AP4S1: variants seen among roughly 807,000 people sequenced by gnomAD.
The protein encoded by AP4S1 is adaptor related protein complex 4 subunit sigma 1, also known as AP-4 complex subunit sigma-1.
Under a neutral mutation model 19.8 loss-of-function variants are expected in AP4S1, and 23 were observed. The observed-to-expected ratio is 1.16, with a 90% CI of 0.84 to 1.65. AP4S1 has a LOEUF of 1.65. Among genes scored for constraint, AP4S1 ranks in the 40% most tolerant of loss-of-function variants. The pLI is 0.00. For synonymous variants in AP4S1, 46 were observed against 54.1 expected (o/e 0.85, Z 0.66); for missense variants, 166 against 172.8 (o/e 0.96, Z 0.22).
chr14:31,080,602 T>C lies in AP4S1; in HGVS notation c.306+18T>C. ...AATTAGATGTATCCTTTTTCAATACTGTTTTCCACAGTACTTGGCAAATGC... is the reference window on the plus strand; with the variant it reads ...AATTAGATGTATCCTTTTTCAATACCGTTTTCCACAGTACTTGGCAAATGC... On this transcript the variant is annotated intron_variant, in intron 5 of 5. Coordinates refer to ENST00000542754, the MANE Select transcript of AP4S1 (RefSeq NM_001128126.3). 10 of 1,613,900 alleles carry C rather than the reference T, an allele frequency of 6.2e-6. No homozygotes were observed. The highest frequency in any genetic ancestry group is 8.5e-6 in the Non-Finnish European group (10 of 1,179,782).
chr14:31,029,798 C>T (rs1230344231), intron 1 of AP4S1, among the ~76,000 whole-genome samples: 1 of 151,412 alleles, frequency 6.6e-6, no homozygotes, highest in Non-Finnish European at 1.5e-5. Flanking sequence ...GCACTCCAGT[C>T]TGGGCAACAG....
intron 5 of AP4S1, among the ~76,000 whole-genome samples, chr14:31,082,851 G>A (rs1044329406): frequency 6.6e-6 from 1 of 151,314 alleles, no homozygotes; most frequent in South Asian, 2.1e-4. Context: ...AGCCGAGATT[G>A]CGCCACTGCA....
chr14:31,067,516 A>ATT (rs1243393448), intron 2 of AP4S1, among the ~76,000 whole-genome samples: 19 of 127,212 alleles, frequency 1.5e-4, no homozygotes, highest in Non-Finnish European at 2.1e-4. Context: ...AGTGAGAACA[A>ATT]TTTTTTTTTT....
intron 2 of AP4S1, among the ~76,000 whole-genome samples, chr14:31,067,219 AAAAG>A (rs1386824777): frequency 6.6e-6 from 1 of 152,124 alleles, no homozygotes; most frequent in African/African-American, 2.4e-5. Context: ...AAAAAAAAAA[AAAAG>A]GAGGTTAAAT....
chr14:31,038,002 T>C (rs1884879529), intron 1 of AP4S1, among the ~76,000 whole-genome samples: 1 of 152,226 alleles, frequency 6.6e-6, no homozygotes. Context: ...AACATGTTGC[T>C]ACACTTTATT....
chr14:31,085,388 G>A (rs1887876250), intron 5 of AP4S1: 1 of 989,700 alleles, frequency 1.0e-6, no homozygotes, highest in Non-Finnish European at 1.2e-6. Context: ...GCAGGCTGGA[G>A]TCTCTACTTT....
intron 4 of AP4S1, among the ~76,000 whole-genome samples, chr14:31,074,355 A>AG (rs1246297442): frequency 2.1e-5 from 3 of 143,718 alleles, no homozygotes; most frequent in Non-Finnish European, 4.6e-5. Context: ...AAATAAATAA[A>AG]TAAATAAATA....
intron 1 of AP4S1, among the ~76,000 whole-genome samples, chr14:31,053,589 C>CTTTTTTTTTTTTTTTTTTTT (rs758966011): frequency 5.6e-5 from 4 of 71,110 alleles, no homozygotes; most frequent in African/African-American, 1.2e-4. Flanking sequence ...TGACTTTTTT[C>CTTTTTTTTTTTTTTTTTTTT]TTTTTTTTTT....
intron 1 of AP4S1, among the ~76,000 whole-genome samples, chr14:31,037,850 A>C (rs926061800): frequency 6.6e-6 from 1 of 152,204 alleles, no homozygotes; most frequent in Non-Finnish European, 1.5e-5. Context: ...GCTACTCAGA[A>C]GACTGACATG....
intron 1 of AP4S1, among the ~76,000 whole-genome samples, chr14:31,029,022 C>A (rs762580708): frequency 6.6e-6 from 1 of 152,068 alleles, no homozygotes; most frequent in Non-Finnish European, 1.5e-5. Context: ...TTTTTGTCTC[C>A]TCACCTACCC....
chr14:31,025,696 A>G lies in AP4S1; in HGVS notation c.-163A>G. ...CCGAGGAGGCCCGCACCGCGTAGCC[A>G]GTGAAGGTTGGGGAGCAAGCTTATG... On this transcript the variant is annotated 5_prime_UTR_variant, in exon 1 of 6. Transcript: ENST00000542754. 1 of 728,012 alleles carries G rather than the reference A, an allele frequency of 1.4e-6. No individual in the cohort carries two copies. Among genetic ancestry groups the G allele is most frequent in the Non-Finnish European group, 2.1e-6 (1 of 465,272 alleles). 45.1% of individuals were successfully genotyped at this position (728,012 alleles called of 1,614,324 possible). A position where few individuals can be genotyped will look rare whatever the true frequency, so the allele number is the denominator to read the frequency against.
chr14:31,061,271 A>G (rs1415289109), intron 1 of AP4S1, among the ~76,000 whole-genome samples: 1 of 152,160 alleles, frequency 6.6e-6, no homozygotes, highest in Non-Finnish European at 1.5e-5. Context: ...TGCCCACCTC[A>G]GCCTCCCAAA....
intron 1 of AP4S1, among the ~76,000 whole-genome samples, chr14:31,033,971 T>G (rs1451505524): frequency 6.6e-6 from 1 of 152,194 alleles, no homozygotes; most frequent in Non-Finnish European, 1.5e-5. Flanking sequence ...AAGAAAGGAT[T>G]GCCTGGAGCC....
Position 31,096,036 on chromosome 14 carries a change from G to A in AP4S1, c.*3001G>A, listed in dbSNP as rs1168408647. 1 of 139,744 alleles carries A rather than the reference G, an allele frequency of 7.2e-6. No individual in the cohort carries two copies. Among genetic ancestry groups the A allele is most frequent in the African/African-American group, 2.7e-5 (1 of 37,126 alleles). The allele number at this position is 139,744 out of a possible 1,614,324, so 8.7% of individuals were successfully genotyped here. ...GGAGACAGAGGTTGCAGTGAGTTGA[G>A]ATCGAGATTGTGCCACTGCACTCCA... On this transcript the variant is annotated 3_prime_UTR_variant, in exon 6 of 6. Coordinates refer to ENST00000542754, the MANE Select transcript of AP4S1 (RefSeq NM_001128126.3).
At chr14:31,083,967 T>A (rs1887795922) in intron 5 of AP4S1, among the ~76,000 whole-genome samples, 1 of 152,164 alleles carries the variant, frequency 6.6e-6, no homozygotes, top group East Asian at 1.9e-4. Flanking sequence ...GCTCCATCTG[T>A]GGAGGGGCGT....
chr14:31,082,759 G>A (rs530500960), intron 5 of AP4S1, among the ~76,000 whole-genome samples: 11 of 152,300 alleles, frequency 7.2e-5, no homozygotes, highest in Admixed American at 1.3e-4. Flanking sequence ...AGCCGGGCGC[G>A]GTGGCGGGCG....
intron 5 of AP4S1, among the ~76,000 whole-genome samples, chr14:31,083,036 G>A (rs1887735067): frequency 6.6e-6 from 1 of 152,174 alleles, no homozygotes; most frequent in Non-Finnish European, 1.5e-5. Context: ...TATTGAGAGA[G>A]TTAACGTGAA....
rs112987601 is a variant in AP4S1, at chr14:31,066,278, C to T, written c.82C>T (p.Arg28Cys). The T allele has an allele frequency of 2.9e-5, 47 of 1,613,882 alleles. No individual in the cohort carries two copies. Among genetic ancestry groups the T allele is most frequent in the Non-Finnish European group, 3.5e-5 (41 of 1,179,876 alleles). Residue 28 changes from arginine to cysteine, a missense_variant, in exon 2 of 6, where the codon CGT (arginine) becomes TGT (cysteine). Physicochemically the swap from Arg to Cys is radical, Grantham distance 180. Transcript: ENST00000542754. ...CTATGAACATGTGGATATTAATAAG[C>T]GTACACTTCTGGAAACAGAAGTCAT... ...KYYEHVDINK[R>C]TLLETEVIKS... is the part of the protein sequence containing the mutation.
At chr14:31,055,245 C>A (rs1212406889) in intron 1 of AP4S1, among the ~76,000 whole-genome samples, 1 of 151,914 alleles carries the variant, frequency 6.6e-6, no homozygotes, top group Non-Finnish European at 1.5e-5. Context: ...GAGATCTCAA[C>A]ATGCAATAAA....
Sources: allele counts gnomAD v4.1 joint callset (sites outside exome capture counted in the v4.1 genomes callset), GRCh38; gene constraint gnomAD v4.1.1; transcripts MANE v1.5; gene names NCBI Gene and HGNC (gene_info 2026-07-23, HGNC 2026-07-21).